NR2F6: variants seen among roughly 807,000 people sequenced by gnomAD.
NR2F6 encodes ERBA-related gene-2.
In NR2F6, 16 loss-of-function variants were observed where a neutral mutation model predicts 26.5. That is an observed-to-expected ratio of 0.60 (90% CI 0.41 to 0.92). NR2F6 has a LOEUF of 0.92. Ranked by LOEUF, NR2F6 falls within the 40% of genes least tolerant of loss-of-function variation. The pLI is 0.00. For missense variants in NR2F6, 536 were observed against 631.7 expected (o/e 0.85, Z 1.62); for synonymous variants, 325 against 305.0 (o/e 1.07, Z -0.68).
intron 2 of NR2F6, among the ~76,000 whole-genome samples, chr19:17,238,571 C>T (rs948386829): frequency 2.6e-5 from 4 of 152,064 alleles, no homozygotes; most frequent in East Asian, 3.8e-4. Flanking sequence ...AGACTTCTGG[C>T]GAGGCTGTTT....
intron 1 of NR2F6, chr19:17,244,110 G>C (rs1359492401): frequency 1.3e-5 from 2 of 152,296 alleles, no homozygotes; most frequent in Non-Finnish European, 2.9e-5. Flanking sequence ...GCCACGCCCT[G>C]CCAGAGAGGT....
intron 3 of NR2F6, among the ~76,000 whole-genome samples, chr19:17,234,052 G>A (rs57535823): frequency 0.096 from 14,503 of 151,618 alleles, 874 homozygotes; most frequent in African/African-American, 0.17. Flanking sequence ...ATGAAACCCC[G>A]TCTCTACTAA....
intron 1 of NR2F6, 101 bp from the exon 2 acceptor site, chr19:17,240,866 T>C (rs572796919): frequency 2.6e-6 from 3 of 1,141,324 alleles, no homozygotes; most frequent in African/African-American, 1.5e-5. Context: ...GAAATACTAG[T>C]AGGGGCCCTC....
chr19:17,234,902 A>T (rs947848884), intron 3 of NR2F6, among the ~76,000 whole-genome samples: 6 of 152,276 alleles, frequency 3.9e-5, no homozygotes, highest in East Asian at 1.9e-4. Flanking sequence ...GAAAAAAAAA[A>T]TTTGGCTGTA....
rs969164833 is a variant in NR2F6, at chr19:17,245,272, C to A, written c.-52G>T. Reference sequence around the variant, plus strand: ...CCCCCACCGCGCTCTTCCCTCCGGGCACCCCTCTCGGCCCGGGGGACCCTA... The same window carrying A: ...CCCCCACCGCGCTCTTCCCTCCGGGAACCCCTCTCGGCCCGGGGGACCCTA... On this transcript the variant is annotated 5_prime_UTR_variant, in exon 1 of 4. Coordinates refer to ENST00000291442, the MANE Select transcript of NR2F6 (RefSeq NM_005234.4). The surrounding 1 kb of genome is among the most constrained non-coding windows in gnomAD (Gnocchi z 5.0). 8.3e-6 allele frequency: 10 copies of A among 1,207,112 alleles called. No homozygotes were observed. Among genetic ancestry groups the A allele is most frequent in the Non-Finnish European group, 9.2e-6 (9 of 973,454 alleles). 74.8% of individuals were successfully genotyped at this position (1,207,112 alleles called of 1,614,324 possible).
At chr19:17,244,880 G>A (rs2073488577) in intron 1 of NR2F6, 63 bp downstream of exon 1, 4 of 1,536,384 alleles carry the variant, frequency 2.6e-6, no homozygotes, top group Non-Finnish European at 3.5e-6. Flanking sequence ...GACCGAGCAG[G>A]TCAGAGGCCT....
In NR2F6 at chr19:17,235,464, C is replaced by T. The variant is rs1223910261; in HGVS notation, c.940+35G>A. On this transcript the variant is annotated intron_variant, in intron 3 of 3. Transcript: ENST00000291442. This position sits in a 1 kb window ranked among gnomAD's most constrained non-coding sequence, Gnocchi z 5.0. ...CCTCCTCCTAACCTCCCTTGGGTCC[C>T]CCCATCCCGCGGCCCTCTTCGGAGC... The T allele has an allele frequency of 1.9e-6, 3 of 1,546,814 alleles. No individual in the cohort carries two copies. The highest frequency in any genetic ancestry group is 8.7e-7 in the Non-Finnish European group (1 of 1,152,458).
chr19:17,243,666 C>CA (rs2073480710), intron 1 of NR2F6, among the ~76,000 whole-genome samples: 1 of 152,230 alleles, frequency 6.6e-6, no homozygotes, highest in Admixed American at 6.5e-5. Context: ...CACATGGCCA[C>CA]ACCAGGCCAG....
chr19:17,244,792 A>C, intron 1 of NR2F6, 151 bp downstream of exon 1: 1 of 838,252 alleles, frequency 1.2e-6, no homozygotes, highest in Non-Finnish European at 1.8e-6. Context: ...CAGCCATGGA[A>C]TGCGGGAGGA....
chr19:17,234,722 G>A (rs529525954), intron 3 of NR2F6, among the ~76,000 whole-genome samples: 42 of 152,208 alleles, frequency 2.8e-4, no homozygotes, highest in Non-Finnish European at 3.8e-4. Flanking sequence ...GGGAATGGTG[G>A]TGCACGCCTG....
In NR2F6 at chr19:17,244,929, G is replaced by A. The variant is rs1002460718; in HGVS notation, c.278+14C>T. The A allele has an allele frequency of 1.9e-6, 3 of 1,562,554 alleles. No homozygotes were observed. The highest frequency in any genetic ancestry group is 1.9e-5 in the Admixed American group (1 of 51,370). On this transcript the variant is annotated intron_variant, in intron 1 of 3. Transcript: ENST00000291442. ...GCGGGGTGCACGGCGGCGGCGCGCG[G>A]ATGGGGGGCTCACCGGCAGGTGTAG... is the stretch of plus-strand genomic sequence containing the variant.
intron 2 of NR2F6, among the ~76,000 whole-genome samples, chr19:17,239,425 G>C (rs920920638): frequency 5.3e-5 from 8 of 152,140 alleles, no homozygotes; most frequent in African/African-American, 1.9e-4. Flanking sequence ...GGGAGGCTGA[G>C]GCAGGCAGAT....
At position 17,245,387 on chromosome 19, in the gene NR2F6, G is replaced by A. The variant is rs1599458995; in HGVS notation, c.-167C>T. 2.0e-6 allele frequency: 1 copy of A among 499,448 alleles called. No individual in the cohort carries two copies. Among genetic ancestry groups the A allele is most frequent in the Non-Finnish European group, 2.9e-6 (1 of 345,014 alleles). The allele number at this position is 499,448 out of a possible 1,614,324, so 30.9% of individuals were successfully genotyped here. A position where few individuals can be genotyped will look rare whatever the true frequency, so the allele number is the denominator to read the frequency against. On this transcript the variant is annotated 5_prime_UTR_variant, in exon 1 of 4. Coordinates refer to ENST00000291442, the MANE Select transcript of NR2F6 (RefSeq NM_005234.4). The surrounding 1 kb of genome is among the most constrained non-coding windows in gnomAD (Gnocchi z 5.0). ...GCAACTTCCTGCGGCCGGTCCTCGC[G>A]CCCGGGCGGAACTGGTCGGGCCGGT...
chr19:17,241,193 G>A (rs1030559589), intron 1 of NR2F6, among the ~76,000 whole-genome samples: 1 of 152,140 alleles, frequency 6.6e-6, no homozygotes, highest in African/African-American at 2.4e-5. Flanking sequence ...AGATGTGAAG[G>A]CAAAGAGGAC....
Position 17,245,567 on chromosome 19 carries a change from G to A in NR2F6, c.-347C>T, listed in dbSNP as rs2073494229. On this transcript the variant is annotated 5_prime_UTR_variant, in exon 1 of 4. Coordinates refer to ENST00000291442, the MANE Select transcript of NR2F6 (RefSeq NM_005234.4). This position sits in a 1 kb window ranked among gnomAD's most constrained non-coding sequence, Gnocchi z 5.0. ...CATGGCCCGGCCCGAGCCGCGCAGG[G>A]GGCGTCCTCTGGCCTGGCCGCCGCT... The A allele has an allele frequency of 6.8e-6, 1 of 146,568 alleles. No homozygotes were observed. The highest frequency in any genetic ancestry group is 2.1e-4 in the South Asian group (1 of 4,816). 9.1% of individuals were successfully genotyped at this position (146,568 alleles called of 1,614,324 possible). A position where few individuals can be genotyped will look rare whatever the true frequency, so the allele number is the denominator to read the frequency against.
chr19:17,235,860 C>T lies in NR2F6; in HGVS notation c.579G>A (p.Ala193=), dbSNP rs1219545509. The change falls in exon 3 of 4, where the codon GCG becomes GCA. Residue 193 remains alanine, a synonymous_variant. Transcript: ENST00000291442. The surrounding 1 kb of genome is among the most constrained non-coding windows in gnomAD (Gnocchi z 5.0). ...CGTTGTCGATGCCCAGCACCGCGCC[C>T]GCCGCGCCGCCCCCTGCGCCGAAGC... is the stretch of plus-strand genomic sequence containing the variant. The part of the protein sequence containing the change: ...AGRFGAGGGA[A]GAVLGIDNVC... 3 of 1,467,624 alleles carry T rather than the reference C, an allele frequency of 2.0e-6. No homozygotes were observed. The highest frequency in any genetic ancestry group is 2.9e-5 in the East Asian group (1 of 33,972). The allele number at this position is 1,467,624 out of a possible 1,614,324, so 90.9% of individuals were successfully genotyped here.
chr19:17,233,637 C>T (rs2073420061), intron 3 of NR2F6, among the ~76,000 whole-genome samples: 1 of 152,122 alleles, frequency 6.6e-6, no homozygotes, highest in Non-Finnish European at 1.5e-5. Context: ...GCTGGCATTA[C>T]AGGCACACTC....
chr19:17,234,748 A>G (rs1447426806), intron 3 of NR2F6, among the ~76,000 whole-genome samples: 1 of 152,140 alleles, frequency 6.6e-6, no homozygotes, highest in Non-Finnish European at 1.5e-5. Flanking sequence ...CCAGCTACTC[A>G]AGAGGCTGAA....
intron 3 of NR2F6, among the ~76,000 whole-genome samples, chr19:17,234,900 A>C (rs1352715830): frequency 6.6e-6 from 1 of 152,176 alleles, no homozygotes; most frequent in Non-Finnish European, 1.5e-5. Context: ...TGGAAAAAAA[A>C]AATTTGGCTG....
Sources: gnomAD v4.1 joint callset for allele counts (sites outside exome capture counted in the v4.1 genomes callset) on GRCh38, gnomAD v4.1.1 for gene constraint, Gnocchi (gnomAD v3.1) non-coding constraint, MANE v1.5 for transcripts, NCBI Gene and HGNC (gene_info 2026-07-23, HGNC 2026-07-21) for gene names.